The following DGKB variants were observed in gnomAD, a reference collection of about 807,000 sequenced individuals.
DGKB encodes diacylglycerol kinase beta.
DGKB carries 67 observed loss-of-function variants against 114.3 expected under a neutral mutation model. The ratio of observed to expected loss-of-function variants is 0.59; its 90% CI spans 0.48 to 0.72. The LOEUF is 0.72. Ranked by LOEUF, DGKB falls within the 30% of genes least tolerant of loss-of-function variation. The probability of loss-of-function intolerance (pLI) is 0.00; values close to 1 mark genes in which losing one functional copy is unlikely to be tolerated. For synonymous variants in DGKB, 398 were observed against 323.1 expected, an observed-to-expected ratio of 1.23 and a Z score of -2.49; for missense variants, 907 against 975.2, an observed-to-expected ratio of 0.93 and a Z score of 0.93.
At chr7:14,165,839 A>T (rs1344731723) in intron 25 of DGKB, among the ~76,000 whole-genome samples, 1 of 152,190 alleles carries the variant, frequency 6.6e-6, no homozygotes, top group African/African-American at 2.4e-5. Context: ...CTGCTAAAGA[A>T]AGCCAAAATA....
chr7:14,382,546 CAG>C (rs768630813), intron 21 of DGKB, among the ~76,000 whole-genome samples: 7 of 152,086 alleles, frequency 4.6e-5, no homozygotes, highest in Non-Finnish European at 1.0e-4. Context: ...ATCCTATTCA[CAG>C]GGGTAATTTT....
At chr7:14,769,133 G>GAGAA (rs1285648080) in intron 2 of DGKB, among the ~76,000 whole-genome samples, 7 of 122,546 alleles carry the variant, frequency 5.7e-5, no homozygotes, top group East Asian at 2.5e-4. Flanking sequence ...AAGAGAGAGA[G>GAGAA]AGAAAGAAAG....
intron 23 of DGKB, among the ~76,000 whole-genome samples, chr7:14,245,487 G>A (rs1369900590): frequency 6.6e-6 from 1 of 152,150 alleles, no homozygotes; most frequent in Non-Finnish European, 1.5e-5. Flanking sequence ...CAAGAGGTAT[G>A]GAGCCTGTCT....
At chr7:14,839,616 A>G (rs1326544336) in intron 2 of DGKB, among the ~76,000 whole-genome samples, 1 of 151,696 alleles carries the variant, frequency 6.6e-6, no homozygotes, top group Non-Finnish European at 1.5e-5. Flanking sequence ...TGCCCAGTCT[A>G]GTCATGAACT....
intron 19 of DGKB, among the ~76,000 whole-genome samples, chr7:14,574,800 C>G (rs1798882169): frequency 6.6e-6 from 1 of 152,214 alleles, no homozygotes; most frequent in Non-Finnish European, 1.5e-5. Context: ...CTTTCCATCA[C>G]TCTCTTACCC....
At chr7:14,187,273 G>A (rs1488714181) in intron 23 of DGKB, among the ~76,000 whole-genome samples, 1 of 152,138 alleles carries the variant, frequency 6.6e-6, no homozygotes, top group Admixed American at 6.5e-5. Context: ...ATGCACCTCT[G>A]CCTGGCCCAA....
intron 6 of DGKB, among the ~76,000 whole-genome samples, chr7:14,710,643 C>A (rs756358984): frequency 1.8e-4 from 28 of 152,016 alleles, no homozygotes; most frequent in Admixed American, 8.5e-4. Context: ...TATATATACA[C>A]ATTATTAGAT....
intron 1 of DGKB, among the ~76,000 whole-genome samples, chr7:14,911,853 T>A (rs974673520): frequency 6.6e-6 from 1 of 152,226 alleles, no homozygotes; most frequent in Non-Finnish European, 1.5e-5. Flanking sequence ...TTCTCTGTTA[T>A]AGAGTTTCTA....
intron 21 of DGKB, among the ~76,000 whole-genome samples, chr7:14,365,037 T>C (rs1487685849): frequency 2.0e-5 from 3 of 151,834 alleles, no homozygotes; most frequent in African/African-American, 4.8e-5. Flanking sequence ...ACTTACCACT[T>C]TCAAATATTA....
At chr7:14,535,294 A>G (rs945281749) in intron 20 of DGKB, among the ~76,000 whole-genome samples, 2 of 151,224 alleles carry the variant, frequency 1.3e-5, no homozygotes, top group African/African-American at 4.9e-5. Flanking sequence ...GCTTGAGCCT[A>G]GGAGTTCAAG....
At chr7:14,643,751 C>T (rs1018046898) in intron 13 of DGKB, among the ~76,000 whole-genome samples, 1 of 152,178 alleles carries the variant, frequency 6.6e-6, no homozygotes, top group Non-Finnish European at 1.5e-5. Context: ...AGTGGGGCCA[C>T]CACATGTCCA....
chr7:14,188,431 C>T (rs1410924020), intron 23 of DGKB, among the ~76,000 whole-genome samples: 4 of 120,506 alleles, frequency 3.3e-5, no homozygotes, highest in Admixed American at 1.0e-4. Context: ...GAGGCCGAGG[C>T]GGGCGGATCA....
chr7:14,286,812 T>C (rs1237750911), intron 23 of DGKB, among the ~76,000 whole-genome samples: 5 of 152,118 alleles, frequency 3.3e-5, no homozygotes, highest in Non-Finnish European at 7.4e-5. Flanking sequence ...TTGGTTATTA[T>C]TAGAATTATA....
intron 20 of DGKB, among the ~76,000 whole-genome samples, chr7:14,512,930 A>G (rs938013874): frequency 6.6e-6 from 1 of 152,028 alleles, no homozygotes; most frequent in Non-Finnish European, 1.5e-5. Flanking sequence ...CCTTCCTTCA[A>G]TCATGTGGTC....
chr7:14,536,596 C>T (rs998662270), intron 20 of DGKB, among the ~76,000 whole-genome samples: 1 of 152,092 alleles, frequency 6.6e-6, no homozygotes, highest in Non-Finnish European at 1.5e-5. Context: ...GTTGGAAAAG[C>T]ATTTGATAAA....
chr7:14,718,799 C>G (rs569113075), intron 5 of DGKB, 114 bp from the exon 6 acceptor site: 2 of 756,046 alleles, frequency 2.6e-6, no homozygotes, highest in African/African-American at 3.5e-5. Flanking sequence ...ATTTTTTAGG[C>G]ATAGAATAAC....
chr7:14,938,593 T>A (rs550410997), intron 1 of DGKB, among the ~76,000 whole-genome samples: 1 of 150,846 alleles, frequency 6.6e-6, no homozygotes, highest in African/African-American at 2.4e-5. Context: ...ACATTTCTTG[T>A]ATTATTATTC....
intron 20 of DGKB, among the ~76,000 whole-genome samples, chr7:14,554,925 A>C (rs1795664341): frequency 6.6e-6 from 1 of 152,122 alleles, no homozygotes; most frequent in African/African-American, 2.4e-5. Flanking sequence ...TTGAAATTTA[A>C]AAGTTAATGA....
intron 13 of DGKB, among the ~76,000 whole-genome samples, chr7:14,672,650 C>G (rs6461117): frequency 0.38 from 57,280 of 151,768 alleles, 12,254 homozygotes; most frequent in East Asian, 0.89. Flanking sequence ...ATGTTGAAGT[C>G]TTCTGCCTTT....
Sources: allele counts gnomAD v4.1 joint callset (sites outside exome capture counted in the v4.1 genomes callset), GRCh38; gene constraint gnomAD v4.1.1; transcripts MANE v1.5; gene names NCBI Gene and HGNC (gene_info 2026-07-23, HGNC 2026-07-21).